ERFE: variants seen among roughly 807,000 people sequenced by gnomAD.
ERFE encodes the protein complement C1q tumor necrosis factor-related protein 15.
In ERFE, 25 loss-of-function variants were observed where a neutral mutation model predicts 26.6. The observed-to-expected ratio is 0.94, with a 90% CI of 0.69 to 1.31. The LOEUF is 1.31. Among genes scored for constraint, ERFE ranks in the 40% most tolerant of loss-of-function variants. ERFE has a pLI of 0.00. For missense variants in ERFE, 447 were observed against 440.2 expected, an observed-to-expected ratio of 1.02 and a Z score of -0.14; for synonymous variants, 206 against 204.5, an observed-to-expected ratio of 1.01 and a Z score of -0.06.
intron 2 of ERFE, 63 bp from the exon 3 acceptor site, chr2:238,162,673 C>A: frequency 1.9e-6 from 2 of 1,071,484 alleles, no homozygotes; most frequent in South Asian, 1.3e-5. Flanking sequence ...AGAGCTTGCA[C>A]AGGGGATGCT....
intron 5 of ERFE, 37 bp downstream of exon 5, chr2:238,164,220 C>G (rs1333840151): frequency 7.0e-7 from 1 of 1,433,098 alleles, no homozygotes; most frequent in African/African-American, 1.5e-5. Context: ...CCCGCTCTGT[C>G]GCCCACCCCG....
Position 238,167,325 on chromosome 2 carries a change from G to A in ERFE, c.*271G>A. 1.5e-6 allele frequency: 1 copy of A among 673,962 alleles called. No homozygotes were observed. The highest frequency in any genetic ancestry group is 1.5e-5 in the South Asian group (1 of 66,506). 41.7% of individuals were successfully genotyped at this position (673,962 alleles called of 1,614,324 possible). On this transcript the variant is annotated 3_prime_UTR_variant, in exon 8 of 8. Transcript: ENST00000546354. ...AGAGTCGGCGTGCCTGGGGGCACCT[G>A]CTAGTCTCCAGCTGCAGGCCGACTC...
At chr2:238,161,847 A>G in intron 2 of ERFE, 131 bp downstream of exon 2, 1 of 1,297,640 alleles carries the variant, frequency 7.7e-7, no homozygotes, top group Non-Finnish European at 1.0e-6. Context: ...GACAGAGAAC[A>G]GAGAGAACCC....
In ERFE at chr2:238,164,290, A is replaced by AG; in HGVS notation, c.822dup (p.Pro275AlafsTer35). On this transcript the variant is annotated frameshift_variant, in exon 6 of 8. Transcript: ENST00000546354. LOFTEE classifies it high-confidence loss of function. ...CGCAGCGCTCGGGGAGCCGCCGAGG[A>AG]GGGGGCCGCCGCGCCCCCGGGACCA... 2 of 1,511,498 alleles carry AG rather than the reference A, an allele frequency of 1.3e-6. No homozygotes were observed. Among genetic ancestry groups the AG allele is most frequent in the African/African-American group, 1.4e-5 (1 of 68,996 alleles). The allele number at this position is 1,511,498 out of a possible 1,614,324, so 93.6% of individuals were successfully genotyped here. A position where few individuals can be genotyped will look rare whatever the true frequency, so the allele number is the denominator to read the frequency against.
Position 238,167,108 on chromosome 2 carries a change from A to G in ERFE, c.*54A>G, listed in dbSNP as rs1211803355. The G allele has an allele frequency of 2.0e-6, 3 of 1,499,292 alleles. No individual in the cohort carries two copies. Among genetic ancestry groups the G allele is most frequent in the Admixed American group, 3.9e-5 (2 of 50,946 alleles). 92.9% of individuals were successfully genotyped at this position (1,499,292 alleles called of 1,614,324 possible). A position where few individuals can be genotyped will look rare whatever the true frequency, so the allele number is the denominator to read the frequency against. On this transcript the variant is annotated 3_prime_UTR_variant, in exon 8 of 8. Transcript: ENST00000546354. ...GGCAAATGGAGCACAGATCTAGACA[A>G]TGTGTGGACAGTGTCAGAGTAGCAG...
intron 3 of ERFE, chr2:238,163,527 G>A (rs909818658): frequency 7.4e-6 from 4 of 543,388 alleles, no homozygotes; most frequent in African/African-American, 2.0e-5. Flanking sequence ...ACTTCTGCCC[G>A]AGCTTCCCAA....
rs1447874455 is a variant in ERFE at position 238,168,646 on chromosome 2, TCA to T, written c.*1596_*1597del. ...GGCCTGGTGCGATTCTCAGTAGGAC[TCA>T]CACCCACCCTACCTAGAAGTACTGG... On this transcript the variant is annotated 3_prime_UTR_variant, in exon 8 of 8. Transcript: ENST00000546354. 1.4e-5 allele frequency: 5 copies of T among 359,848 alleles called. No individual in the cohort carries two copies. The highest frequency in any genetic ancestry group is 8.5e-5 in the African/African-American group (4 of 46,816). The allele number at this position is 359,848 out of a possible 1,614,324, so 22.3% of individuals were successfully genotyped here.
intron 1 of ERFE, among the ~76,000 whole-genome samples, chr2:238,159,667 T>G (rs1195778327): frequency 6.6e-6 from 1 of 152,232 alleles, no homozygotes; most frequent in Non-Finnish European, 1.5e-5. Flanking sequence ...GACATGTGGC[T>G]TTGAGTCAAG....
chr2:238,161,075 G>A (rs908692537), intron 1 of ERFE, among the ~76,000 whole-genome samples: 3 of 152,216 alleles, frequency 2.0e-5, no homozygotes, highest in East Asian at 1.9e-4. Flanking sequence ...ACTGTAACCC[G>A]AGGCAGCTGT....
intron 6 of ERFE, 53 bp downstream of exon 6, chr2:238,164,413 G>A (rs1692998949): frequency 2.0e-6 from 3 of 1,510,132 alleles, no homozygotes; most frequent in South Asian, 1.2e-5. Context: ...GCCTCCACAA[G>A]CTGGAGGTGG....
At chr2:238,160,625 A>G (rs1692924618) in intron 1 of ERFE, among the ~76,000 whole-genome samples, 1 of 152,068 alleles carries the variant, frequency 6.6e-6, no homozygotes, top group Non-Finnish European at 1.5e-5. Context: ...TCTTCCCACC[A>G]CAACACCCTG....
intron 1 of ERFE, among the ~76,000 whole-genome samples, chr2:238,159,417 T>C (rs1406458010): frequency 2.0e-5 from 3 of 152,128 alleles, no homozygotes. Flanking sequence ...TTTGGGGTAG[T>C]TTGACTTAAA....
At chr2:238,161,761 C>T (rs948489748) in intron 2 of ERFE, 45 bp downstream of exon 2, 2 of 1,505,756 alleles carry the variant, frequency 1.3e-6, no homozygotes, top group African/African-American at 2.8e-5. Context: ...GGGGTTCCGC[C>T]TCCTCGCTCC....
chr2:238,159,907 T>C (rs1242373183), intron 1 of ERFE, among the ~76,000 whole-genome samples: 1 of 152,130 alleles, frequency 6.6e-6, no homozygotes, highest in Admixed American at 6.5e-5. Flanking sequence ...TGCTGTTTAT[T>C]CTGAAGATGC....
rs139530631 is a variant in ERFE at position 238,164,275 on chromosome 2, G to A, written c.802G>A (p.Gly268Arg). The change falls in exon 6 of 8, where the codon GGG becomes AGG. Residue 268 changes from glycine (G) to arginine (R), a missense_variant. By Grantham distance (125) the Gly-to-Arg change is moderately radical (BLOSUM62 -2). Coordinates refer to ENST00000546354, the MANE Select transcript of ERFE (RefSeq NM_001291832.2). Reference protein sequence around the residue: ...ALAATLHVALGEPPRRGPPRP... With the variant: ...ALAATLHVALREPPRRGPPRP... ...CGTCCCACCCTCCCCCGCAGCGCTC[G>A]GGGAGCCGCCGAGGAGGGGGCCGCC... 46,707 of 1,503,146 alleles carry A rather than the reference G, an allele frequency of 0.031. 832 individuals carry two copies. The highest frequency in any genetic ancestry group is 0.076 in the Middle Eastern group (343 of 4,496). 93.1% of individuals were successfully genotyped at this position (1,503,146 alleles called of 1,614,324 possible). A position where few individuals can be genotyped will look rare whatever the true frequency, so the allele number is the denominator to read the frequency against.
At chr2:238,164,399 C>T in intron 6 of ERFE, 39 bp downstream of exon 6, 1 of 1,532,334 alleles carries the variant, frequency 6.5e-7, no homozygotes, top group Non-Finnish European at 8.8e-7. Flanking sequence ...CCCGCATTCG[C>T]TCGGCCTCCA....
intron 6 of ERFE, chr2:238,164,832 C>T (rs1693008416): frequency 6.2e-6 from 1 of 161,614 alleles, no homozygotes; most frequent in Non-Finnish European, 1.3e-5. Flanking sequence ...GCCTGGGCAA[C>T]AGAGCGAGAC....
rs963642502 is a variant in ERFE at position 238,162,799 on chromosome 2, C to A, written c.385C>A (p.Pro129Thr). ...PQGPPGPIIPPEALLKEFQLL... is the reference protein window; with the variant it reads ...PQGPPGPIIPTEALLKEFQLL... ...GGGCCCCCCAGGCCCCATCATCCCA[C>A]CCGAGGCGCTGCTGAAGGAGTTCCA... Residue 129 changes from proline (P) to threonine (T), a missense_variant, in exon 3 of 8, where the codon CCC (proline) becomes ACC (threonine). Pro to Thr is a conservative substitution (Grantham distance 38). Coordinates refer to ENST00000546354, the MANE Select transcript of ERFE (RefSeq NM_001291832.2). 6.5e-7 allele frequency: 1 copy of A among 1,550,328 alleles called. No individual in the cohort carries two copies. Among genetic ancestry groups the A allele is most frequent in the Non-Finnish European group, 8.7e-7 (1 of 1,146,926 alleles).
intron 1 of ERFE, 117 bp from the exon 2 acceptor site, chr2:238,161,477 A>T: frequency 7.7e-7 from 1 of 1,296,590 alleles, no homozygotes; most frequent in Non-Finnish European, 1.0e-6. Context: ...ACCACAGGTG[A>T]CAAGGACCAG....
Sources: allele counts gnomAD v4.1 joint callset (sites outside exome capture counted in the v4.1 genomes callset), GRCh38; gene constraint gnomAD v4.1.1; transcripts MANE v1.5; gene names NCBI Gene and HGNC (gene_info 2026-07-23, HGNC 2026-07-21).